PREX2: variants seen among roughly 807,000 people sequenced by gnomAD.
PREX2 encodes the protein phosphatidylinositol-3,4,5-trisphosphate dependent Rac exchange factor 2.
Under a neutral mutation model 203.2 loss-of-function variants are expected in PREX2, and 107 were observed. The observed-to-expected ratio is 0.53, with a 90% CI of 0.45 to 0.62. The LOEUF is 0.62. Ranked by LOEUF, PREX2 falls within the 20% of genes least tolerant of loss-of-function variation. The pLI is 0.00. For missense variants in PREX2, 1,777 were observed against 1,955.9 expected (o/e 0.91, Z 1.72); for synonymous variants, 672 against 663.6 (o/e 1.01, Z -0.19).
chr8:68,008,595 A>G (rs1395477047), intron 1 of PREX2, among the ~76,000 whole-genome samples: 1 of 113,336 alleles, frequency 8.8e-6, no homozygotes, highest in East Asian at 2.0e-4. Flanking sequence ...AAAGTTGGAG[A>G]CAAGTTAATA....
At chr8:68,070,016 G>T in intron 13 of PREX2, 132 bp downstream of exon 13, 3 of 444,376 alleles carry the variant, frequency 6.8e-6, no homozygotes, top group Non-Finnish European at 1.2e-5. Flanking sequence ...ATTATTTTAA[G>T]GAATAATTTA....
chr8:68,129,673 C>G (rs1366270092), intron 31 of PREX2, among the ~76,000 whole-genome samples: 1 of 152,024 alleles, frequency 6.6e-6, no homozygotes, highest in Non-Finnish European at 1.5e-5. Context: ...TAGCTAATTA[C>G]AGATCTTAAA....
chr8:68,021,576 C>T (rs1807569011), intron 3 of PREX2, among the ~76,000 whole-genome samples: 1 of 152,194 alleles, frequency 6.6e-6, no homozygotes, highest in African/African-American at 2.4e-5. Context: ...TTCCTTTTGC[C>T]TTCATCTAAA....
At chr8:67,963,377 G>A (rs1417334810) in intron 1 of PREX2, among the ~76,000 whole-genome samples, 1 of 152,006 alleles carries the variant, frequency 6.6e-6, no homozygotes, top group African/African-American at 2.4e-5. Flanking sequence ...TCTTAAAGCA[G>A]GCTAACCTAT....
chr8:68,000,569 A>T (rs1018315691), intron 1 of PREX2, among the ~76,000 whole-genome samples: 1 of 152,242 alleles, frequency 6.6e-6, no homozygotes, highest in African/African-American at 2.4e-5. Flanking sequence ...ACTACCAATG[A>T]TATTGTTCAC....
intron 35 of PREX2, among the ~76,000 whole-genome samples, chr8:68,179,363 G>A (rs1240421653): frequency 6.6e-6 from 1 of 152,042 alleles, no homozygotes; most frequent in African/African-American, 2.4e-5. Flanking sequence ...GCTGAGAGAT[G>A]TAGCTTTGGC....
intron 1 of PREX2, among the ~76,000 whole-genome samples, chr8:67,976,080 T>G (rs1806075462): frequency 6.6e-6 from 1 of 152,062 alleles, no homozygotes; most frequent in Non-Finnish European, 1.5e-5. Flanking sequence ...AGGCTTTTGA[T>G]GAAGTTATAA....
At chr8:68,145,051 C>A (rs535787793) in intron 33 of PREX2, among the ~76,000 whole-genome samples, 1 of 151,872 alleles carries the variant, frequency 6.6e-6, no homozygotes, top group African/African-American at 2.4e-5. Context: ...CTAGAGGATA[C>A]GGATATTTAG....
chr8:68,033,316 C>G (rs1807941437), intron 6 of PREX2, among the ~76,000 whole-genome samples: 1 of 152,028 alleles, frequency 6.6e-6, no homozygotes. Flanking sequence ...TATAATACCT[C>G]TCCTACACAG....
At position 68,157,378 on chromosome 8, in the gene PREX2, C is replaced by G; in HGVS notation, c.4288C>G (p.Gln1430Glu). Reference protein sequence around the residue: ...YRDNVSVEEFQAQINAASLEK... With the variant: ...YRDNVSVEEFEAQINAASLEK... ...AGACAATGTTTCTGTGGAAGAATTTCAAGCTCAGATAAATGCAGCCTCACT... is the reference window on the plus strand; with the variant it reads ...AGACAATGTTTCTGTGGAAGAATTTGAAGCTCAGATAAATGCAGCCTCACT... The change falls in exon 35 of 40, where the codon CAA becomes GAA. Residue 1430 changes from glutamine to glutamate, a missense_variant. Transcript: ENST00000288368. 1 of 1,612,792 alleles carries G rather than the reference C, an allele frequency of 6.2e-7. No individual in the cohort carries two copies. The highest frequency in any genetic ancestry group is 8.5e-7 in the Non-Finnish European group (1 of 1,179,072).
chr8:68,164,702 C>T (rs968986098), intron 35 of PREX2, among the ~76,000 whole-genome samples: 14 of 151,396 alleles, frequency 9.2e-5, no homozygotes, highest in African/African-American at 3.2e-4. Flanking sequence ...CCTGCCTCAG[C>T]CTCCCGAGTA....
At chr8:68,008,898 T>C (rs1286812289) in intron 1 of PREX2, among the ~76,000 whole-genome samples, 1 of 152,248 alleles carries the variant, frequency 6.6e-6, no homozygotes, top group Admixed American at 6.5e-5. Flanking sequence ...CCATTAAACC[T>C]ATTTTTCTTT....
Position 68,055,842 on chromosome 8 carries a change from G to T in PREX2, c.1106G>T (p.Gly369Val). The T allele has an allele frequency of 1.2e-6, 2 of 1,611,020 alleles. No individual in the cohort carries two copies. Among genetic ancestry groups the T allele is most frequent in the Non-Finnish European group, 1.7e-6 (2 of 1,179,226 alleles). ...TCATTTTTGATAGGTTTAAAATTAG[G>T]AATGGAGCAAGATACCTGGGTCATG... ...ERERRKGLKLGMEQDTWVMIS... is the reference protein window; with the variant it reads ...ERERRKGLKLVMEQDTWVMIS... The change falls in exon 10 of 40, where the codon GGA becomes GTA. Residue 369 changes from glycine (G) to valine (V), a missense_variant. Transcript: ENST00000288368.
chr8:68,095,261 C>T (rs1585785216), intron 21 of PREX2, among the ~76,000 whole-genome samples: 1 of 152,142 alleles, frequency 6.6e-6, no homozygotes, highest in African/African-American at 2.4e-5. Context: ...AGCCTCTCTC[C>T]CCTCCCCAGA....
At chr8:68,205,738 G>A (rs1285808009) in intron 37 of PREX2, among the ~76,000 whole-genome samples, 1 of 152,162 alleles carries the variant, frequency 6.6e-6, no homozygotes, top group Non-Finnish European at 1.5e-5. Context: ...TTAGAAGCCA[G>A]AATAAATGTG....
chr8:68,062,244 C>G (rs886521456), intron 11 of PREX2, among the ~76,000 whole-genome samples: 1 of 152,148 alleles, frequency 6.6e-6, no homozygotes, highest in African/African-American at 2.4e-5. Flanking sequence ...TCATCTCCTC[C>G]TTTGCTTCCA....
intron 34 of PREX2, among the ~76,000 whole-genome samples, chr8:68,155,201 A>G (rs913577572): frequency 6.7e-5 from 10 of 149,202 alleles, no homozygotes; most frequent in Admixed American, 6.7e-5. Flanking sequence ...ATTTAAAGTA[A>G]TCAGTATACC....
intron 1 of PREX2, among the ~76,000 whole-genome samples, chr8:67,993,905 A>G (rs16933960): frequency 0.15 from 22,435 of 152,132 alleles, 2,317 homozygotes; most frequent in African/African-American, 0.3. Context: ...GCTTTGATCT[A>G]GGATTCGAAG....
chr8:68,140,617 T>G (rs1437246270), intron 33 of PREX2, among the ~76,000 whole-genome samples: 3 of 152,188 alleles, frequency 2.0e-5, no homozygotes, highest in Non-Finnish European at 2.9e-5. Context: ...TGGGGAAGCA[T>G]GAAGGTGTAA....
Sources: gnomAD v4.1 joint callset for allele counts (sites outside exome capture counted in the v4.1 genomes callset) on GRCh38, gnomAD v4.1.1 for gene constraint, MANE v1.5 for transcripts, NCBI Gene and HGNC (gene_info 2026-07-23, HGNC 2026-07-21) for gene names.